RBFOX3: variants seen among roughly 807,000 people sequenced by gnomAD.
RBFOX3 encodes RNA binding fox-1 homolog 3, also known as RNA binding protein fox-1 homolog 3.
A neutral mutation model predicts 48.7 loss-of-function variants in RBFOX3; 17 were observed. The ratio of observed to expected loss-of-function variants is 0.35; its 90% confidence interval spans 0.24 to 0.52. The LOEUF (loss-of-function observed/expected upper bound fraction) is 0.52, where lower values mean the gene tolerates loss of function less well. Ranked by LOEUF, RBFOX3 falls within the 20% of genes least tolerant of loss-of-function variation. RBFOX3 has a pLI of 0.94. For synonymous variants in RBFOX3, 212 were observed against 209.5 expected (o/e 1.01, Z -0.10); for missense variants, 382 against 497.5 (o/e 0.77, Z 2.21).
chr17:79,602,467 C>T (rs1473002246), intron 1 of RBFOX3, among the ~76,000 whole-genome samples: 6 of 152,192 alleles, frequency 3.9e-5, no homozygotes, highest in Non-Finnish European at 7.3e-5. Context: ...CGGTCTTCTC[C>T]CCAGCAGCTG....
chr17:79,250,770 TCTTTCCCTCCCTCCCTCCCTTC>T (rs1376297550), intron 3 of RBFOX3, among the ~76,000 whole-genome samples: 4 of 151,682 alleles, frequency 2.6e-5, no homozygotes, highest in South Asian at 2.1e-4. Flanking sequence ...CTTTTCTTTT[TCTTTCCCTCCCTCCCTCCCTTC>T]CTTTCCCTCC....
intron 2 of RBFOX3, among the ~76,000 whole-genome samples, chr17:79,380,494 C>T (rs1163449926): frequency 6.6e-6 from 1 of 151,844 alleles, no homozygotes; most frequent in South Asian, 2.1e-4. Context: ...GAGAGGGCTG[C>T]ACAACCCCTG....
chr17:79,478,076 T>C (rs1048505424), intron 2 of RBFOX3, among the ~76,000 whole-genome samples: 1 of 152,144 alleles, frequency 6.6e-6, no homozygotes, highest in Non-Finnish European at 1.5e-5. Flanking sequence ...CAAGCAACGC[T>C]CATGTGCTCC....
intron 1 of RBFOX3, among the ~76,000 whole-genome samples, chr17:79,509,511 C>T (rs1259951477): frequency 6.6e-6 from 1 of 152,120 alleles, no homozygotes; most frequent in African/African-American, 2.4e-5. Flanking sequence ...AGTCTGAGTC[C>T]AGGGCAGGCA....
Position 79,190,229 on chromosome 17 carries a change from T to A in RBFOX3, c.-34+45537A>T, listed in dbSNP as rs145033627. Among the ~76,000 whole-genome samples the A allele has an allele frequency of 4.7e-4, 71 of 152,130 alleles. No individual in the cohort carries two copies. The East Asian group carries it at 8.5e-3, about 18-fold the overall frequency. ...GAGTTTGAGATCAGCCTGGGCAACA[T>A]GGTGAAACCCCATCTCTACTAAAAA... On this transcript the variant is annotated intron_variant, in intron 4 of 14. Coordinates refer to ENST00000693108, the MANE Select transcript of RBFOX3 (RefSeq NM_001350451.2).
At chr17:79,549,947 A>C (rs2090971942) in intron 1 of RBFOX3, among the ~76,000 whole-genome samples, 1 of 152,220 alleles carries the variant, frequency 6.6e-6, no homozygotes, top group South Asian at 2.1e-4. Flanking sequence ...ACACCAAAAA[A>C]AAACGTGGAC....
intron 1 of RBFOX3, among the ~76,000 whole-genome samples, chr17:79,491,589 A>G (rs7225892): frequency 0.015 from 2,311 of 151,948 alleles, 67 homozygotes; most frequent in African/African-American, 0.053. Flanking sequence ...GACGCAAGCC[A>G]CCTCCCGGGT....
the RBFOX3 span, among the ~76,000 whole-genome samples, chr17:79,616,538 GAAAA>G: frequency 1.5e-4 from 15 of 102,558 alleles, no homozygotes; most frequent in Admixed American, 1.2e-3. Flanking sequence ...TCCATCTCAA[GAAAA>G]AAAAAAAAAA....
chr17:79,295,615 T>C (rs2074214161), intron 3 of RBFOX3, among the ~76,000 whole-genome samples: 1 of 152,116 alleles, frequency 6.6e-6, no homozygotes, highest in African/African-American at 2.4e-5. Context: ...TTGGCTTACA[T>C]TTTGTTTGAT....
intron 1 of RBFOX3, among the ~76,000 whole-genome samples, chr17:79,586,162 C>T (rs1293601629): frequency 1.3e-5 from 2 of 152,330 alleles, no homozygotes; most frequent in East Asian, 1.9e-4. Flanking sequence ...TCAGGGCTGG[C>T]CTCCAGACCA....
At chr17:79,276,395 A>G (rs1352223653) in intron 3 of RBFOX3, among the ~76,000 whole-genome samples, 1 of 152,182 alleles carries the variant, frequency 6.6e-6, no homozygotes, top group Non-Finnish European at 1.5e-5. Flanking sequence ...TAAAAAAATA[A>G]TGTTTCTTGA....
In RBFOX3 at chr17:79,479,543, C is replaced by A. The variant is rs2078472404; in HGVS notation, c.-175+2911G>T. Among the ~76,000 whole-genome samples the A allele has an allele frequency of 6.6e-6, 1 of 152,222 alleles. No individual in the cohort carries two copies. Among genetic ancestry groups the A allele is most frequent in the African/African-American group, 2.4e-5 (1 of 41,454 alleles). ...AAGGCAGATTCCTCACTTCACAATT[C>A]AGAGCACACCTTTGGAATCAACAAG... On this transcript the variant is annotated intron_variant, in intron 2 of 14. Transcript: ENST00000693108. This position sits in a 1 kb window ranked among gnomAD's most constrained non-coding sequence, Gnocchi z 5.1.
At chr17:79,460,118 C>T (rs1488889777) in intron 2 of RBFOX3, among the ~76,000 whole-genome samples, 2 of 152,276 alleles carry the variant, frequency 1.3e-5, no homozygotes, top group East Asian at 1.9e-4. Context: ...TGGGGAGAGG[C>T]TGCTAATGAG....
intron 3 of RBFOX3, among the ~76,000 whole-genome samples, chr17:79,264,001 G>A (rs531426486): frequency 6.6e-6 from 1 of 152,112 alleles, no homozygotes; most frequent in Non-Finnish European, 1.5e-5. Context: ...GGCAGAGATT[G>A]GAGAGTCAAG....
chr17:79,628,751 C>T, the RBFOX3 span, among the ~76,000 whole-genome samples: 6 of 152,242 alleles, frequency 3.9e-5, no homozygotes, highest in Non-Finnish European at 5.9e-5. Context: ...GCTTTTGATC[C>T]GAGTGCCAAT....
At position 79,353,648 on chromosome 17, in the gene RBFOX3, C is replaced by G. The variant is rs369808739; in HGVS notation, c.-174-45824G>C. ...CACTGCAAGGAAAAGCCACGTGATT[C>G]TGCACGTGGCCTCTCCAGAAAGCTG... is the stretch of plus-strand genomic sequence containing the variant. On this transcript the variant is annotated intron_variant, in intron 2 of 14. Coordinates refer to ENST00000693108, the MANE Select transcript of RBFOX3 (RefSeq NM_001350451.2). Among the ~76,000 whole-genome samples the G allele has an allele frequency of 3.9e-5, 6 of 152,324 alleles. No homozygotes were observed. In the East Asian group the frequency reaches 1.2e-3, roughly 29 times the overall value.
chr17:79,245,559 G>T (rs2148123484), intron 3 of RBFOX3, among the ~76,000 whole-genome samples: 1 of 148,284 alleles, frequency 6.7e-6, no homozygotes, highest in African/African-American at 2.6e-5. Context: ...CCTTTGTGAG[G>T]CTGAGTGATA....
chr17:79,536,897 A>G (rs2088862448), intron 1 of RBFOX3, among the ~76,000 whole-genome samples: 1 of 152,158 alleles, frequency 6.6e-6, no homozygotes, highest in Non-Finnish European at 1.5e-5. Context: ...CATCCTGGCC[A>G]ACATGGTAAA....
At chr17:79,384,914 C>T (rs2060374497) in intron 2 of RBFOX3, among the ~76,000 whole-genome samples, 1 of 152,280 alleles carries the variant, frequency 6.6e-6, no homozygotes, top group Non-Finnish European at 1.5e-5. Context: ...ACTTCGGCAG[C>T]TACACGCCGG....
Sources: allele counts gnomAD v4.1 joint callset (sites outside exome capture counted in the v4.1 genomes callset), GRCh38; gene constraint gnomAD v4.1.1; non-coding constraint Gnocchi (gnomAD v3.1); transcripts MANE v1.5; gene names NCBI Gene and HGNC (gene_info 2026-07-23, HGNC 2026-07-21).